Variants in PLEKHG7 observed in about 807,000 individuals in gnomAD.
PLEKHG7 encodes the protein pleckstrin homology domain-containing family G member 7.
PLEKHG7 carries 77 observed loss-of-function variants against 85.2 expected under a neutral mutation model. The ratio of observed to expected loss-of-function variants is 0.90; its 90% CI spans 0.75 to 1.09. PLEKHG7 has a LOEUF of 1.09. PLEKHG7 is among the 50% of genes least tolerant of loss of function. PLEKHG7 has a pLI of 0.00. For synonymous variants in PLEKHG7, 301 were observed against 302.4 expected (o/e 1.00, Z 0.05); for missense variants, 777 against 804.3 (o/e 0.97, Z 0.41).
rs771023819 is a variant in PLEKHG7 at position 92,754,126 on chromosome 12, G to T, written c.1288G>T (p.Val430Leu). The change falls in exon 11 of 17, where the codon GTG becomes TTG. Residue 430 changes from valine to leucine, a missense_variant. Val to Leu is a conservative substitution (Grantham distance 32). Around this residue, in one of 3 missense-constraint regions of PLEKHG7, gnomAD observed 520 missense variants for 544.0 expected, o/e 0.96. Transcript: ENST00000344636. The stretch of plus-strand genomic sequence containing the variant: ...GAATGAACAATGCAGACGGCTCCAC[G>T]TGCCAGAGCTGCTAGTGGCCCCACT... ...EQNEQCRRLHVPELLVAPLQR... is the reference protein window; with the variant it reads ...EQNEQCRRLHLPELLVAPLQR... 81 of 1,613,842 alleles carry T rather than the reference G, an allele frequency of 5.0e-5. No homozygotes were observed. Among genetic ancestry groups the T allele is most frequent in the Non-Finnish European group, 6.6e-5 (78 of 1,179,928 alleles).
chr12:92,707,924 G>A (rs1871286793), intron 3 of PLEKHG7: 1 of 559,234 alleles, frequency 1.8e-6, no homozygotes, highest in East Asian at 3.0e-5. Flanking sequence ...AATTGTCAAT[G>A]TCTTGGCCCT....
chr12:92,761,644 A>C, intron 13 of PLEKHG7, 108 bp from the exon 14 acceptor site: 1 of 951,374 alleles, frequency 1.1e-6, no homozygotes, highest in Non-Finnish European at 1.4e-6. Flanking sequence ...GAAAGAAAGA[A>C]AGAAAGAAAG....
At chr12:92,718,206 C>T (rs1250356854) in intron 3 of PLEKHG7, among the ~76,000 whole-genome samples, 7 of 152,174 alleles carry the variant, frequency 4.6e-5, no homozygotes, top group Non-Finnish European at 1.0e-4. Context: ...GATTCAGAGA[C>T]TACTAGGCAG....
At chr12:92,712,883 C>T (rs2136573340) in intron 3 of PLEKHG7, among the ~76,000 whole-genome samples, 1 of 152,290 alleles carries the variant, frequency 6.6e-6, no homozygotes, top group Middle Eastern at 3.4e-3. Context: ...TACCTGACCT[C>T]CATAAGCCCC....
chr12:92,771,071 T>C lies in PLEKHG7; in HGVS notation c.*876T>C, dbSNP rs1463977636. 1 of 151,898 alleles carries C rather than the reference T, an allele frequency of 6.6e-6. No individual in the cohort carries two copies. Among genetic ancestry groups the C allele is most frequent in the African/African-American group, 2.4e-5 (1 of 41,388 alleles). The allele number at this position is 151,898 out of a possible 1,614,324, so 9.4% of individuals were successfully genotyped here. On this transcript the variant is annotated 3_prime_UTR_variant, in exon 17 of 17. Transcript: ENST00000344636. ...TTATTTGGCAGGACTTCAAATTTCTTCAGAATTTTTATCATGAAAGGCAGT... is the reference window on the plus strand; with the variant it reads ...TTATTTGGCAGGACTTCAAATTTCTCCAGAATTTTTATCATGAAAGGCAGT...
chr12:92,717,507 AG>A (rs1332132670), intron 3 of PLEKHG7, among the ~76,000 whole-genome samples: 1 of 152,226 alleles, frequency 6.6e-6, no homozygotes, highest in African/African-American at 2.4e-5. Context: ...TAATCCACAA[AG>A]TGGAGACACA....
chr12:92,760,774 T>C (rs1872964367), intron 13 of PLEKHG7, among the ~76,000 whole-genome samples: 1 of 152,218 alleles, frequency 6.6e-6, no homozygotes, highest in South Asian at 2.1e-4. Flanking sequence ...TAAGTAACTA[T>C]TAAAACTAAT....
chr12:92,741,055 C>T, intron 8 of PLEKHG7, 107 bp downstream of exon 8: 1 of 705,986 alleles, frequency 1.4e-6, no homozygotes, highest in Non-Finnish European at 2.3e-6. Flanking sequence ...CTCCATATTC[C>T]ATTCCCAGTC....
rs1245251890 is a variant in PLEKHG7, at chr12:92,769,198, G to C, written c.1968+118G>C. ...GTTTTTCTCTCACCCACTTGGGAAG[G>C]GCAGATTTGGGAGGAGGGGAGGGGT... On this transcript the variant is annotated intron_variant, in intron 16 of 16. Transcript: ENST00000344636. 10 of 704,358 alleles carry C rather than the reference G, an allele frequency of 1.4e-5. No individual in the cohort carries two copies. In the East Asian group the frequency reaches 2.6e-4, roughly 18 times the overall value. The allele number at this position is 704,358 out of a possible 1,614,324, so 43.6% of individuals were successfully genotyped here. A position where few individuals can be genotyped will look rare whatever the true frequency, so the allele number is the denominator to read the frequency against.
intron 3 of PLEKHG7, among the ~76,000 whole-genome samples, chr12:92,711,739 G>C (rs1871370795): frequency 6.6e-6 from 1 of 152,190 alleles, no homozygotes; most frequent in Non-Finnish European, 1.5e-5. Context: ...ATCTCTGTCT[G>C]CCACTGACAC....
chr12:92,707,925 T>C (rs917889006), intron 3 of PLEKHG7: 22 of 559,176 alleles, frequency 3.9e-5, no homozygotes, highest in Non-Finnish European at 5.8e-5. Flanking sequence ...ATTGTCAATG[T>C]CTTGGCCCTG....
chr12:92,762,073 G>A (rs1163058411), intron 14 of PLEKHG7, among the ~76,000 whole-genome samples: 2 of 152,074 alleles, frequency 1.3e-5, no homozygotes, highest in African/African-American at 4.8e-5. Context: ...TGTCAAAAGA[G>A]GAATACATTT....
intron 13 of PLEKHG7, among the ~76,000 whole-genome samples, chr12:92,761,364 C>T (rs574303445): frequency 5.3e-5 from 8 of 152,100 alleles, no homozygotes; most frequent in African/African-American, 9.6e-5. Flanking sequence ...TCAAATGAGA[C>T]GCATCATAAA....
chr12:92,760,359 A>T (rs1041025577), intron 13 of PLEKHG7, among the ~76,000 whole-genome samples: 2 of 152,102 alleles, frequency 1.3e-5, no homozygotes, highest in African/African-American at 4.8e-5. Context: ...AGGACTATTT[A>T]ATTTGAATAA....
chr12:92,750,190 T>C (rs1280376727), intron 10 of PLEKHG7, among the ~76,000 whole-genome samples: 1 of 151,820 alleles, frequency 6.6e-6, no homozygotes, highest in Admixed American at 6.6e-5. Context: ...CCTAAGCATA[T>C]TGGATACTTA....
intron 7 of PLEKHG7, among the ~76,000 whole-genome samples, chr12:92,739,330 G>A (rs917336990): frequency 4.6e-5 from 7 of 152,200 alleles, no homozygotes; most frequent in African/African-American, 1.4e-4. Context: ...CCCACCCCTG[G>A]GAATGAGATC....
chr12:92,752,355 G>A (rs1019096376), intron 10 of PLEKHG7, among the ~76,000 whole-genome samples: 18 of 152,166 alleles, frequency 1.2e-4, no homozygotes, highest in African/African-American at 4.3e-4. Context: ...AAGGGGATAT[G>A]TTTGTTCCAT....
chr12:92,757,930 T>C (rs527621959), intron 13 of PLEKHG7, among the ~76,000 whole-genome samples: 1 of 152,158 alleles, frequency 6.6e-6, no homozygotes, highest in Non-Finnish European at 1.5e-5. Flanking sequence ...CAAAGCAGAG[T>C]GGTGAAACCG....
At chr12:92,767,968 C>T (rs529644667) in intron 15 of PLEKHG7, among the ~76,000 whole-genome samples, 41 of 151,988 alleles carry the variant, frequency 2.7e-4, no homozygotes, top group Admixed American at 8.5e-4. Context: ...CACTTTGGGA[C>T]GCCGAGGTTG....
Sources: gnomAD v4.1 joint callset for allele counts (sites outside exome capture counted in the v4.1 genomes callset) on GRCh38, gnomAD v4.1.1 for gene constraint, gnomAD v4.1.1 regional missense constraint, MANE v1.5 for transcripts, NCBI Gene and HGNC (gene_info 2026-07-23, HGNC 2026-07-21) for gene names.